OPCML: variants seen among roughly 807,000 people sequenced by gnomAD.
OPCML encodes opioid-binding protein/cell adhesion molecule.
Under a neutral mutation model 37.8 loss-of-function variants are expected in OPCML, and 13 were observed. The ratio of observed to expected loss-of-function variants is 0.34; its 90% confidence interval spans 0.22 to 0.55. The LOEUF (loss-of-function observed/expected upper bound fraction) is 0.55. Ranked by LOEUF, OPCML falls within the 20% of genes least tolerant of loss-of-function variation. OPCML has a pLI of 0.91. For synonymous variants in OPCML, 176 were observed against 168.8 expected, an observed-to-expected ratio of 1.04 and a Z score of -0.33; for missense variants, 341 against 435.6, an observed-to-expected ratio of 0.78 and a Z score of 1.93.
intron 3 of OPCML, among the ~76,000 whole-genome samples, chr11:132,590,850 C>G (rs1262478865): frequency 1.3e-5 from 2 of 152,104 alleles, no homozygotes; most frequent in African/African-American, 4.8e-5. Context: ...ATTCTGGTTT[C>G]CTTGAAAATT....
At chr11:132,693,173 C>A (rs944221753) in intron 2 of OPCML, among the ~76,000 whole-genome samples, 1 of 152,122 alleles carries the variant, frequency 6.6e-6, no homozygotes, top group Admixed American at 6.5e-5. Context: ...ATGCACAGTA[C>A]AAGAGCAAAT....
At chr11:132,850,308 G>A (rs547769795) in intron 2 of OPCML, among the ~76,000 whole-genome samples, 44 of 152,198 alleles carry the variant, frequency 2.9e-4, no homozygotes, top group South Asian at 4.2e-4. Flanking sequence ...CATGTAACAT[G>A]GTCCCTAGCC....
intron 1 of OPCML, among the ~76,000 whole-genome samples, chr11:133,261,385 G>A (rs1209195887): frequency 3.9e-5 from 6 of 152,130 alleles, no homozygotes; most frequent in South Asian, 2.1e-4. Flanking sequence ...GTTCTAATTC[G>A]AAACACTTTC....
chr11:132,810,087 G>C (rs943105546), intron 2 of OPCML, among the ~76,000 whole-genome samples: 1 of 152,012 alleles, frequency 6.6e-6, no homozygotes, highest in Non-Finnish European at 1.5e-5. Flanking sequence ...CTAACCTCGT[G>C]ATCCGCCCGC....
At chr11:132,807,513 G>A (rs1041998007) in intron 2 of OPCML, among the ~76,000 whole-genome samples, 3 of 152,094 alleles carry the variant, frequency 2.0e-5, no homozygotes, top group Non-Finnish European at 4.4e-5. Context: ...ATAAATCCAC[G>A]GGTAAATTCT....
At chr11:132,845,699 T>C (rs569977750) in intron 2 of OPCML, among the ~76,000 whole-genome samples, 1 of 152,358 alleles carries the variant, frequency 6.6e-6, no homozygotes, top group Non-Finnish European at 1.5e-5. Flanking sequence ...AAACTTCTTA[T>C]ATGCTCTTCC....
At chr11:133,425,382 G>T (rs2136904079) in intron 1 of OPCML, among the ~76,000 whole-genome samples, 1 of 152,302 alleles carries the variant, frequency 6.6e-6, no homozygotes, top group South Asian at 2.1e-4. Context: ...TTGGGGTGTT[G>T]CAGGTTCACT....
chr11:132,845,569 A>G (rs1217972541), intron 2 of OPCML, among the ~76,000 whole-genome samples: 1 of 152,144 alleles, frequency 6.6e-6, no homozygotes, highest in East Asian at 1.9e-4. Context: ...GTTCTCTGGG[A>G]TCCCAGGATG....
chr11:133,203,905 A>T (rs1938913585), intron 1 of OPCML, among the ~76,000 whole-genome samples: 1 of 151,828 alleles, frequency 6.6e-6, no homozygotes, highest in Admixed American at 6.6e-5. Flanking sequence ...AAAAATACAG[A>T]AAATTAGCCA....
intron 3 of OPCML, among the ~76,000 whole-genome samples, chr11:132,581,521 T>A (rs1050482095): frequency 3.9e-5 from 6 of 152,132 alleles, no homozygotes; most frequent in Non-Finnish European, 8.8e-5. Context: ...GGTAACAAAA[T>A]TTGTTTTGAA....
At chr11:133,216,534 A>T (rs1357911485) in intron 1 of OPCML, among the ~76,000 whole-genome samples, 1 of 152,202 alleles carries the variant, frequency 6.6e-6, no homozygotes, top group African/African-American at 2.4e-5. Context: ...AAATAGCTGT[A>T]TCTGCCATTG....
intron 1 of OPCML, among the ~76,000 whole-genome samples, chr11:133,238,422 A>T (rs1278232635): frequency 1.3e-5 from 2 of 152,270 alleles, no homozygotes; most frequent in African/African-American, 4.8e-5. Flanking sequence ...TTGTTATTAC[A>T]ATTATAATGT....
intron 2 of OPCML, among the ~76,000 whole-genome samples, chr11:132,769,919 G>A (rs2136120109): frequency 6.6e-6 from 1 of 152,208 alleles, no homozygotes; most frequent in South Asian, 2.1e-4. Flanking sequence ...CTCTTCAAAT[G>A]CAATTTTGAA....
intron 1 of OPCML, among the ~76,000 whole-genome samples, chr11:133,156,735 G>C (rs565526295): frequency 1.3e-5 from 2 of 152,258 alleles, no homozygotes; most frequent in Admixed American, 6.5e-5. Flanking sequence ...GGTGTCCCTT[G>C]GGTAAATGTC....
chr11:133,058,105 G>A (rs538631482), intron 1 of OPCML, among the ~76,000 whole-genome samples: 51 of 152,322 alleles, frequency 3.3e-4, no homozygotes, highest in Admixed American at 1.1e-3. Flanking sequence ...AGCTCTTGGA[G>A]AATTTTAAAC....
intron 1 of OPCML, among the ~76,000 whole-genome samples, chr11:133,071,051 C>G (rs531014937): frequency 6.6e-6 from 1 of 152,164 alleles, no homozygotes; most frequent in Non-Finnish European, 1.5e-5. Flanking sequence ...CTGCAGGGTA[C>G]GTTCTTAGAG....
At chr11:132,599,278 T>G (rs192659051) in intron 3 of OPCML, among the ~76,000 whole-genome samples, 1 of 150,922 alleles carries the variant, frequency 6.6e-6, no homozygotes, top group African/African-American at 2.4e-5. Flanking sequence ...AGACCAAGTC[T>G]CTGTCTCAAA....
chr11:132,882,827 A>G (rs890193312), intron 2 of OPCML, among the ~76,000 whole-genome samples: 8 of 152,210 alleles, frequency 5.3e-5, no homozygotes, highest in African/African-American at 1.7e-4. Context: ...GAGGTTTCCA[A>G]GAGGAGAAAA....
chr11:133,396,158 T>A (rs921612028), intron 1 of OPCML, among the ~76,000 whole-genome samples: 1 of 98,466 alleles, frequency 1.0e-5, no homozygotes, highest in Admixed American at 1.1e-4. Context: ...TAGGATTACT[T>A]TTTTTTTTCT....
Sources: gnomAD v4.1 joint callset for allele counts (sites outside exome capture counted in the v4.1 genomes callset) on GRCh38, gnomAD v4.1.1 for gene constraint, MANE v1.5 for transcripts, NCBI Gene and HGNC (gene_info 2026-07-23, HGNC 2026-07-21) for gene names.